The following DLEU7 variants were observed in gnomAD, a reference collection of about 807,000 sequenced individuals.
DLEU7 encodes deleted in lymphocytic leukemia 7, also known as leukemia-associated protein 7.
DLEU7 carries 17 observed loss-of-function variants against 16.0 expected under a neutral mutation model. The ratio of observed to expected loss-of-function variants is 1.06; its 90% CI spans 0.73 to 1.59. DLEU7 has a LOEUF of 1.59. Among genes scored for constraint, DLEU7 ranks in the 40% most tolerant of loss-of-function variants. The pLI is 0.00. For missense variants in DLEU7, 308 were observed against 314.9 expected, an observed-to-expected ratio of 0.98 and a Z score of 0.17; for synonymous variants, 113 against 139.8, an observed-to-expected ratio of 0.81 and a Z score of 1.35.
At chr13:50,839,551 G>A (rs946820243) in intron 1 of DLEU7, among the ~76,000 whole-genome samples, 6 of 152,088 alleles carry the variant, frequency 3.9e-5, no homozygotes, top group Non-Finnish European at 8.8e-5. Flanking sequence ...CTGGTGGATT[G>A]ATCAGTGAGT....
intron 1 of DLEU7, among the ~76,000 whole-genome samples, chr13:50,842,428 G>C (rs377150300): frequency 6.6e-6 from 1 of 152,146 alleles, no homozygotes; most frequent in African/African-American, 2.4e-5. Context: ...TTAGTTAATG[G>C]CAAGTCCAGG....
upstream of DLEU7, chr13:50,843,787 C>T: frequency 4.2e-6 from 5 of 1,183,600 alleles, no homozygotes; most frequent in East Asian, 3.1e-5. This position sits in a 1 kb window ranked among gnomAD's most constrained non-coding sequence, Gnocchi z 5.7. Context: ...TGGTCGGCCC[C>T]GCCCCCGGCT....
chr13:50,716,963 T>A (rs1022524237), intron 1 of DLEU7, among the ~76,000 whole-genome samples: 9 of 152,214 alleles, frequency 5.9e-5, no homozygotes, highest in Non-Finnish European at 1.3e-4. Flanking sequence ...TAATACTATA[T>A]ATACACATGA....
chr13:50,813,045 C>T (rs1431989954), intron 1 of DLEU7: 1 of 152,126 alleles, frequency 6.6e-6, no homozygotes, highest in Non-Finnish European at 1.5e-5. Flanking sequence ...ACCAGGCCCG[C>T]CCCAGCTTAG....
intron 1 of DLEU7, among the ~76,000 whole-genome samples, chr13:50,776,380 A>AGC (rs1370740472): frequency 1.3e-5 from 2 of 152,182 alleles, no homozygotes; most frequent in African/African-American, 4.8e-5. Flanking sequence ...CTTTTCACTA[A>AGC]TTTCTTAGCT....
intron 1 of DLEU7, 48 bp from the exon 2 acceptor site, chr13:50,823,568 G>A (rs1365555281): frequency 6.6e-7 from 1 of 1,523,956 alleles, no homozygotes; most frequent in Non-Finnish European, 8.8e-7. Flanking sequence ...GGTTATGGGG[G>A]CCAATTGTTG....
In DLEU7 at chr13:50,832,166, A is replaced by C. The variant is rs187806600; in HGVS notation, c.460-8646T>G. 8.0e-4 allele frequency among the ~76,000 whole-genome samples: 121 copies of C among 152,190 alleles called. 1 individual carries two copies. The highest frequency in any genetic ancestry group is 2.8e-3 in the African/African-American group (116 of 41,542). ...AATTACTGCCTCAATTTCAGAACTTAATATTGATCTATTCAGGGATTCGAC... is the reference window on the plus strand; with the variant it reads ...AATTACTGCCTCAATTTCAGAACTTCATATTGATCTATTCAGGGATTCGAC... On this transcript the variant is annotated intron_variant, in intron 1 of 1. Coordinates refer to ENST00000504404, the MANE Select transcript of DLEU7 (RefSeq NM_001306135.2).
chr13:50,842,787 AGT>A (rs1877713603), intron 1 of DLEU7, among the ~76,000 whole-genome samples: 1 of 152,228 alleles, frequency 6.6e-6, no homozygotes, highest in Non-Finnish European at 1.5e-5. Flanking sequence ...GGACTTAGTA[AGT>A]GTATTTAAGG....
intron 1 of DLEU7, among the ~76,000 whole-genome samples, chr13:50,825,384 C>T (rs1274968572): frequency 6.6e-6 from 1 of 152,026 alleles, no homozygotes; most frequent in Admixed American, 6.6e-5. Context: ...ACTTATGTGT[C>T]ACCTTAATAC....
intron 1 of DLEU7, among the ~76,000 whole-genome samples, chr13:50,769,604 C>T (rs9596347): frequency 0.018 from 2,715 of 151,806 alleles, 70 homozygotes; most frequent in African/African-American, 0.061. Context: ...TTGTATATGC[C>T]GGTGTTATTT....
intron 1 of DLEU7, among the ~76,000 whole-genome samples, chr13:50,767,044 G>A (rs990506248): frequency 7.2e-5 from 11 of 152,272 alleles, no homozygotes; most frequent in African/African-American, 2.4e-4. Flanking sequence ...TCTATTCACA[G>A]TCCATTTCTG....
intron 1 of DLEU7, among the ~76,000 whole-genome samples, chr13:50,732,636 C>A (rs1873946834): frequency 7.7e-6 from 1 of 129,282 alleles, no homozygotes; most frequent in South Asian, 2.3e-4. Flanking sequence ...AGCTTATGTG[C>A]TTATGTTCAA....
chr13:50,780,846 C>T (rs1875629024), intron 1 of DLEU7, among the ~76,000 whole-genome samples: 1 of 152,258 alleles, frequency 6.6e-6, no homozygotes, highest in Non-Finnish European at 1.5e-5. Flanking sequence ...AGAGAACAGG[C>T]TGGGAGTCAG....
At chr13:50,833,368 A>G (rs567168047) in intron 1 of DLEU7, among the ~76,000 whole-genome samples, 1 of 152,356 alleles carries the variant, frequency 6.6e-6, no homozygotes, top group East Asian at 1.9e-4. Flanking sequence ...TACAAAATCA[A>G]TGTGCAAAAA....
At chr13:50,839,165 G>A (rs9596383) in intron 1 of DLEU7, among the ~76,000 whole-genome samples, 2,008 of 152,280 alleles carry the variant, frequency 0.013, 44 homozygotes, top group African/African-American at 0.045. Flanking sequence ...TGTTCATAAC[G>A]CCCCTAAGGG....
At chr13:50,769,959 C>T (rs1452037337) in intron 1 of DLEU7, among the ~76,000 whole-genome samples, 1 of 152,114 alleles carries the variant, frequency 6.6e-6, no homozygotes, top group Non-Finnish European at 1.5e-5. Flanking sequence ...TCTTTTATTT[C>T]GTTGAGCAGT....
chr13:50,722,085 C>T (rs574454016), intron 1 of DLEU7, among the ~76,000 whole-genome samples: 19 of 152,286 alleles, frequency 1.2e-4, no homozygotes, highest in African/African-American at 3.6e-4. Context: ...AGAATGGCCC[C>T]GTTTCTTCAC....
intron 1 of DLEU7, among the ~76,000 whole-genome samples, chr13:50,817,568 C>T (rs115655842): frequency 0.018 from 2,709 of 152,178 alleles, 38 homozygotes; most frequent in East Asian, 0.037. Flanking sequence ...CACGGATCTA[C>T]AAGATTTGTA....
At chr13:50,787,364 A>G (rs983794524) in intron 1 of DLEU7, among the ~76,000 whole-genome samples, 2 of 152,274 alleles carry the variant, frequency 1.3e-5, no homozygotes, top group East Asian at 3.9e-4. Context: ...CATTGTCTGC[A>G]TTCTCTGTTG....
Sources: gnomAD v4.1 joint callset for allele counts (sites outside exome capture counted in the v4.1 genomes callset) on GRCh38, gnomAD v4.1.1 for gene constraint, Gnocchi (gnomAD v3.1) non-coding constraint, MANE v1.5 for transcripts, NCBI Gene and HGNC (gene_info 2026-07-23, HGNC 2026-07-21) for gene names.